The following KHDC1 variants were observed in gnomAD, a reference collection of about 807,000 sequenced individuals.
KHDC1 encodes KH domain containing 1, also known as KH homology domain-containing protein 1.
A neutral mutation model predicts 24.7 loss-of-function variants in KHDC1; 21 were observed. That is an observed-to-expected ratio of 0.85 (90% CI 0.60 to 1.23). The LOEUF is 1.23. Among genes scored for constraint, KHDC1 ranks in the 50% most tolerant of loss-of-function variants. The pLI is 0.00. For missense variants in KHDC1, 274 were observed against 298.5 expected (o/e 0.92, Z 0.61); for synonymous variants, 98 against 111.7 (o/e 0.88, Z 0.77).
Position 73,241,563 on chromosome 6 carries a change from C to A in KHDC1, c.680G>T (p.Cys227Phe), listed in dbSNP as rs780480838. The A allele has an allele frequency of 1.2e-5, 20 of 1,614,046 alleles. No homozygotes were observed. The African/African-American group carries it at 2.3e-4, about 18-fold the overall frequency. The change falls in exon 5 of 5, where the codon TGT becomes TTT. Residue 227 changes from cysteine (C) to phenylalanine (F), a missense_variant. Physicochemically the swap from Cys to Phe is radical, Grantham distance 205 (BLOSUM62 -2). Transcript: ENST00000370384. Reference sequence around the variant, plus strand: ...CAGTGAACTCAAATGGAAACCCGAACAACCAATCACTTGGTAAGGGGAAGG... The same window carrying A: ...CAGTGAACTCAAATGGAAACCCGAAAAACCAATCACTTGGTAAGGGGAAGG...
At chr6:73,296,458 A>T (rs760467533) in intron 1 of KHDC1, among the ~76,000 whole-genome samples, 3 of 152,182 alleles carry the variant, frequency 2.0e-5, no homozygotes, top group Non-Finnish European at 4.4e-5. Context: ...ATCAAAAAAA[A>T]ATTAAACACA....
intron 2 of KHDC1, among the ~76,000 whole-genome samples, chr6:73,277,855 T>C (rs1767325894): frequency 7.3e-6 from 1 of 137,286 alleles, no homozygotes; most frequent in Non-Finnish European, 1.6e-5. Context: ...ATGATGGAGA[T>C]CGTGTCTCAA....
At chr6:73,291,962 A>G in intron 2 of KHDC1, 3 of 1,610,906 alleles carry the variant, frequency 1.9e-6, no homozygotes, top group Non-Finnish European at 1.7e-6. Context: ...TTTTGGTAAG[A>G]TGGCGGGGTA....
At chr6:73,295,881 C>T (rs531933134) in intron 1 of KHDC1, among the ~76,000 whole-genome samples, 1 of 150,884 alleles carries the variant, frequency 6.6e-6, no homozygotes, top group East Asian at 2.0e-4. Flanking sequence ...GTGGCTCACG[C>T]CTGTTATCCC....
At chr6:73,293,661 A>T (rs12207480) in intron 1 of KHDC1, among the ~76,000 whole-genome samples, 11,571 of 152,092 alleles carry the variant, frequency 0.076, 503 homozygotes, top group Non-Finnish European at 0.091. Context: ...AATTACAGCT[A>T]CTTGGGAGGC....
intron 2 of KHDC1, among the ~76,000 whole-genome samples, chr6:73,260,129 G>C (rs12197604): frequency 4.9e-4 from 74 of 152,174 alleles, no homozygotes; most frequent in Non-Finnish European, 6.8e-4. Context: ...TTTAGAGTCC[G>C]CTATTGTGCC....
chr6:73,272,778 G>C (rs1018611169), intron 2 of KHDC1, among the ~76,000 whole-genome samples: 11 of 151,236 alleles, frequency 7.3e-5, no homozygotes, highest in Non-Finnish European at 1.3e-4. Context: ...TCCATCCCGG[G>C]GGGGAAAAGA....
intron 2 of KHDC1, among the ~76,000 whole-genome samples, chr6:73,273,606 G>A (rs1165433701): frequency 6.6e-6 from 1 of 151,248 alleles, no homozygotes; most frequent in African/African-American, 2.4e-5. Context: ...CATGAGGTCA[G>A]GAGATCGAGA....
At chr6:73,242,455 A>G (rs753630007) in exon 3 of KHDC1, 2 of 1,614,208 alleles carry the variant, frequency 1.2e-6, no homozygotes, top group Non-Finnish European at 1.7e-6. Context: ...CCATTGGTGC[A>G]TGAAAGTTTT....
chr6:73,243,009 A>G (rs1766602531), intron 2 of KHDC1, among the ~76,000 whole-genome samples: 1 of 152,118 alleles, frequency 6.6e-6, no homozygotes, highest in Admixed American at 6.6e-5. Flanking sequence ...ACTTTACACA[A>G]ACAGAAGAAT....
chr6:73,300,184 T>G (rs1393770392), intron 1 of KHDC1: 1 of 152,346 alleles, frequency 6.6e-6, no homozygotes, highest in African/African-American at 2.4e-5. Flanking sequence ...TCCACATCAG[T>G]TCAAGGCAGT....
chr6:73,290,846 C>A, intron 2 of KHDC1: 1 of 342,666 alleles, frequency 2.9e-6, no homozygotes. Flanking sequence ...CCTACCACTG[C>A]TGTATGTAAC....
In KHDC1 at chr6:73,270,911, C is replaced by T. The variant is rs965865376; in HGVS notation, c.206+21087G>A. Among the ~76,000 whole-genome samples the T allele has an allele frequency of 3.3e-5, 5 of 151,672 alleles. No homozygotes were observed. In the East Asian group the frequency reaches 5.9e-4, roughly 18 times the overall value. On this transcript the variant is annotated intron_variant, in intron 2 of 4. Transcript: ENST00000370384. ...TTTACCATCTTGGCCAGGCTGGTCT[C>T]GATCTCCTGACCTCATGATCCACCC... is the stretch of plus-strand genomic sequence containing the variant.
chr6:73,306,309 C>T (rs536590737), intron 1 of KHDC1, among the ~76,000 whole-genome samples: 3 of 152,096 alleles, frequency 2.0e-5, no homozygotes, highest in Non-Finnish European at 4.4e-5. Context: ...ACTGCATCAA[C>T]TCTGCCCTCC....
chr6:73,282,845 T>G (rs577070851), intron 2 of KHDC1, among the ~76,000 whole-genome samples: 1 of 152,268 alleles, frequency 6.6e-6, no homozygotes, highest in East Asian at 1.9e-4. Context: ...ACCCACCATA[T>G]TATCCTTAAA....
chr6:73,242,657 GT>G, intron 2 of KHDC1, 127 bp from the exon 2 acceptor site: 2 of 1,102,598 alleles, frequency 1.8e-6, no homozygotes, highest in Non-Finnish European at 2.6e-6. Context: ...CTTAGGGTGG[GT>G]GTACAATCCC....
rs1453068838 is a variant in KHDC1 at position 73,305,237 on chromosome 6, A to G, written c.163+4315T>C. On this transcript the variant is annotated intron_variant, in intron 1 of 4. Coordinates refer to ENST00000370384, the Ensembl canonical transcript of KHDC1. ...TGCCTAAGTGACAGAGCAAGACTCC[A>G]TCTCAAAAATATATATATAATATAA... Among the ~76,000 whole-genome samples, 4 of 152,000 alleles carry G rather than the reference A, an allele frequency of 2.6e-5. No homozygotes were observed. In the South Asian group the frequency reaches 6.2e-4, roughly 24 times the overall value.
intron 2 of KHDC1, among the ~76,000 whole-genome samples, chr6:73,247,104 A>G (rs532487548): frequency 2.6e-5 from 4 of 151,662 alleles, no homozygotes; most frequent in African/African-American, 9.7e-5. Flanking sequence ...CAGCCTCCTG[A>G]TTAGCTGGGA....
At chr6:73,289,821 C>A (rs1767605818) in intron 2 of KHDC1, among the ~76,000 whole-genome samples, 1 of 151,594 alleles carries the variant, frequency 6.6e-6, no homozygotes, top group Admixed American at 6.6e-5. Flanking sequence ...AGCCAGGCGG[C>A]CGGGCGCGGT....
Sources: gnomAD v4.1 joint callset for allele counts (sites outside exome capture counted in the v4.1 genomes callset) on GRCh38, gnomAD v4.1.1 for gene constraint, MANE v1.5 for transcripts, NCBI Gene and HGNC (gene_info 2026-07-23, HGNC 2026-07-21) for gene names.